The following ADORA2B variants were observed in gnomAD, a reference collection of about 807,000 sequenced individuals.
The protein encoded by ADORA2B is adenosine receptor A2b.
In ADORA2B, 18 loss-of-function variants were observed where a neutral mutation model predicts 20.8. The observed-to-expected ratio is 0.87, with a 90% CI of 0.60 to 1.29. ADORA2B has a LOEUF of 1.29. Among genes scored for constraint, ADORA2B ranks in the 50% most tolerant of loss-of-function variants. The probability of loss-of-function intolerance (pLI) is 0.00; values close to 1 mark genes in which losing one functional copy is unlikely to be tolerated. For synonymous variants in ADORA2B, 179 were observed against 178.3 expected, an observed-to-expected ratio of 1.00 and a Z score of -0.03; for missense variants, 441 against 422.7, an observed-to-expected ratio of 1.04 and a Z score of -0.38.
At chr17:15,925,289 G>C in the ADORA2B span, among the ~76,000 whole-genome samples, 4 of 152,060 alleles carry the variant, frequency 2.6e-5, no homozygotes, top group Non-Finnish European at 5.9e-5. Flanking sequence ...GCCTGCCTCA[G>C]CCTCCCAGAG....
the ADORA2B span, among the ~76,000 whole-genome samples, chr17:15,940,113 C>T: frequency 1.3e-5 from 2 of 152,186 alleles, no homozygotes. Context: ...CACTATTTTG[C>T]AAACATTGTT....
At chr17:15,878,294 A>G in the ADORA2B span, among the ~76,000 whole-genome samples, 1 of 151,922 alleles carries the variant, frequency 6.6e-6, no homozygotes, top group African/African-American at 2.4e-5. Context: ...CTCTTGAACT[A>G]CCTGATAGTC....
the ADORA2B span, among the ~76,000 whole-genome samples, chr17:15,863,677 T>A: frequency 6.6e-6 from 1 of 152,208 alleles, no homozygotes; most frequent in Non-Finnish European, 1.5e-5. Flanking sequence ...TAAATGTTAT[T>A]TAGATACTGA....
At chr17:15,939,415 C>T in the ADORA2B span, among the ~76,000 whole-genome samples, 105 of 152,296 alleles carry the variant, frequency 6.9e-4, no homozygotes, top group African/African-American at 2.3e-3. Flanking sequence ...AACTGATTAA[C>T]CAGGACTGCT....
chr17:15,923,490 C>T, the ADORA2B span, among the ~76,000 whole-genome samples: 4 of 151,334 alleles, frequency 2.6e-5, no homozygotes, highest in Middle Eastern at 3.4e-3. Context: ...CTGCAACCTC[C>T]GCCTGCTGGG....
At chr17:15,880,815 G>A in the ADORA2B span, among the ~76,000 whole-genome samples, 48,309 of 152,006 alleles carry the variant, frequency 0.32, 8,195 homozygotes, top group African/African-American at 0.43. Context: ...GACAGAAACA[G>A]CCACATGGCC....
chr17:15,908,083 CT>C, the ADORA2B span, among the ~76,000 whole-genome samples: 2 of 151,430 alleles, frequency 1.3e-5, no homozygotes, highest in African/African-American at 4.9e-5. Flanking sequence ...TTATGGGTGA[CT>C]TTTTTTTTCT....
the ADORA2B span, among the ~76,000 whole-genome samples, chr17:15,879,663 G>A: frequency 1.4e-4 from 20 of 148,076 alleles, no homozygotes; most frequent in South Asian, 1.5e-3. Flanking sequence ...TCAGCCTCCC[G>A]AGTAGCAGGG....
chr17:15,917,436 C>T, the ADORA2B span, among the ~76,000 whole-genome samples: 1 of 152,234 alleles, frequency 6.6e-6, no homozygotes, highest in Non-Finnish European at 1.5e-5. Context: ...GCTGAGCCGG[C>T]GCAGCCAAAT....
the ADORA2B span, among the ~76,000 whole-genome samples, chr17:15,909,011 CT>C: frequency 6.6e-6 from 1 of 152,082 alleles, no homozygotes; most frequent in Admixed American, 6.6e-5. Context: ...AAAAAATACC[CT>C]GGCTTTTGCC....
the ADORA2B span, among the ~76,000 whole-genome samples, chr17:15,860,638 C>G: frequency 1.3e-5 from 2 of 152,094 alleles, no homozygotes; most frequent in South Asian, 4.1e-4. Flanking sequence ...GCATATAGAT[C>G]CTATAAAGGA....
chr17:15,920,765 C>G, the ADORA2B span, among the ~76,000 whole-genome samples: 5 of 151,290 alleles, frequency 3.3e-5, no homozygotes, highest in African/African-American at 1.2e-4. Flanking sequence ...CACAAATTTT[C>G]ACATAAAAAT....
At chr17:15,940,634 C>G (rs571246010), upstream of ADORA2B, among the ~76,000 whole-genome samples, 3 of 152,326 alleles carry the variant, frequency 2.0e-5, no homozygotes, top group Admixed American at 2.0e-4. Context: ...GGGCAATGTG[C>G]ACTGTACTCT....
At chr17:15,969,494 T>C (rs1970162046) in intron 1 of ADORA2B, among the ~76,000 whole-genome samples, 1 of 152,094 alleles carries the variant, frequency 6.6e-6, no homozygotes, top group Non-Finnish European at 1.5e-5. Context: ...TGTCCCTTTT[T>C]CCTGCATCTT....
the ADORA2B span, among the ~76,000 whole-genome samples, chr17:15,887,506 G>T: frequency 1.5e-5 from 2 of 130,514 alleles, 1 homozygote; most frequent in Non-Finnish European, 3.2e-5. Flanking sequence ...TGCTATGAAG[G>T]CCCCCTTCAC....
the ADORA2B span, among the ~76,000 whole-genome samples, chr17:15,936,563 A>G: frequency 6.6e-6 from 1 of 151,420 alleles, no homozygotes; most frequent in Non-Finnish European, 1.5e-5. Context: ...CAGGTGATCC[A>G]CCCACCTCAG....
intron 1 of ADORA2B, among the ~76,000 whole-genome samples, chr17:15,958,813 A>G (rs932010111): frequency 1.2e-4 from 18 of 152,292 alleles, no homozygotes; most frequent in East Asian, 3.9e-4. Flanking sequence ...AGCTCTCTGC[A>G]TACTTGCAGC....
the ADORA2B span, among the ~76,000 whole-genome samples, chr17:15,866,674 CT>C: frequency 1.3e-5 from 2 of 150,954 alleles, no homozygotes; most frequent in African/African-American, 2.4e-5. Context: ...AAATTTTCTT[CT>C]TTTGGCTCTC....
chr17:15,950,518 A>G (rs943811396), intron 1 of ADORA2B, among the ~76,000 whole-genome samples: 2 of 152,150 alleles, frequency 1.3e-5, no homozygotes, highest in Non-Finnish European at 2.9e-5. Context: ...CAGGTCACCC[A>G]TGCGCCATCC....
Sources: allele counts gnomAD v4.1 joint callset (sites outside exome capture counted in the v4.1 genomes callset), GRCh38; gene constraint gnomAD v4.1.1; transcripts MANE v1.5; gene names NCBI Gene and HGNC (gene_info 2026-07-23, HGNC 2026-07-21).